Variants in TSHZ2 observed in about 807,000 individuals in gnomAD.
The protein encoded by TSHZ2 is teashirt zinc finger homeobox 2.
Under a neutral mutation model 74.4 loss-of-function variants are expected in TSHZ2, and 21 were observed. That is an observed-to-expected ratio of 0.28 (90% CI 0.20 to 0.41). The LOEUF (loss-of-function observed/expected upper bound fraction) is 0.41. Ranked by LOEUF, TSHZ2 falls within the 10% of genes least tolerant of loss-of-function variation. The probability of loss-of-function intolerance (pLI) is 1.00; values close to 1 mark genes in which losing one functional copy is unlikely to be tolerated. For synonymous variants in TSHZ2, 540 were observed against 515.3 expected (o/e 1.05, Z -0.65); for missense variants, 1,244 against 1,293.5 (o/e 0.96, Z 0.59).
At chr20:53,259,097 C>CATAATATGCAATA (rs1227784407) in intron 2 of TSHZ2, among the ~76,000 whole-genome samples, 2 of 152,272 alleles carry the variant, frequency 1.3e-5, no homozygotes, top group East Asian at 3.9e-4. Context: ...CAATACCTTG[C>CATAATATGCAATA]CCATTGCTTA....
At chr20:53,467,265 C>A (rs1985591171) in intron 2 of TSHZ2, among the ~76,000 whole-genome samples, 1 of 152,174 alleles carries the variant, frequency 6.6e-6, no homozygotes, top group South Asian at 2.1e-4. Flanking sequence ...CAACTGATTT[C>A]TTTTCAACAT....
rs758068227 is a variant in TSHZ2 at position 53,254,142 on chromosome 20, C to G, written c.684C>G (p.Val228=). The G allele has an allele frequency of 3.1e-6, 5 of 1,613,964 alleles. No individual in the cohort carries two copies. The African/African-American group carries it at 4.0e-5, about 13-fold the overall frequency. ...RQCSAAYDTL[V]ELTVHMNETG... The stretch of plus-strand genomic sequence containing the variant: ...GCAGCGCGGCCTATGACACCCTAGT[C>G]GAGCTGACTGTGCACATGAATGAAA... Residue 228 remains valine, a synonymous_variant, in exon 2 of 3, where the codon GTC becomes GTG. Transcript: ENST00000371497.
chr20:53,209,863 C>G (rs1007897099), intron 1 of TSHZ2, among the ~76,000 whole-genome samples: 2 of 152,006 alleles, frequency 1.3e-5, no homozygotes, highest in Non-Finnish European at 2.9e-5. Context: ...ACAGCAGGCT[C>G]TCACCGGGAT....
At chr20:53,223,485 C>G (rs73148654) in intron 1 of TSHZ2, among the ~76,000 whole-genome samples, 1 of 152,210 alleles carries the variant, frequency 6.6e-6, no homozygotes, top group African/African-American at 2.4e-5. Flanking sequence ...TAGAGCTCCT[C>G]GGATCAAGTG....
chr20:53,455,562 CTTTT>C lies in TSHZ2; in HGVS notation c.*9-31578_*9-31575del, dbSNP rs1357969514. ...TTTAGTAGCAGTTGAATATGTTTTT[CTTTT>C]TTTATTATTATTATACTTTAAGTTT... On this transcript the variant is annotated intron_variant, in intron 2 of 2. Transcript: ENST00000371497. 3 of 151,224 alleles carry C rather than the reference CTTTT, an allele frequency of 2.0e-5. No homozygotes were observed. In the East Asian group the frequency reaches 5.9e-4, roughly 30 times the overall value. The allele number at this position is 151,224 out of a possible 1,614,324, so 9.4% of individuals were successfully genotyped here.
intron 1 of TSHZ2, among the ~76,000 whole-genome samples, chr20:53,041,995 G>T (rs1984056322): frequency 6.6e-6 from 1 of 152,022 alleles, no homozygotes; most frequent in Non-Finnish European, 1.5e-5. Context: ...AGCATTCTGA[G>T]ATTTTCCTGG....
intron 1 of TSHZ2, among the ~76,000 whole-genome samples, chr20:53,121,947 A>C (rs6097246): frequency 0.067 from 10,190 of 152,230 alleles, 733 homozygotes; most frequent in East Asian, 0.3. Context: ...TTAGCTGCAA[A>C]TATTCCACTT....
chr20:53,191,289 T>C (rs1432023241), intron 1 of TSHZ2, among the ~76,000 whole-genome samples: 1 of 152,194 alleles, frequency 6.6e-6, no homozygotes, highest in Non-Finnish European at 1.5e-5. Flanking sequence ...TGAGTTTTCA[T>C]GGTCAGCCTC....
rs531763298 is a variant in TSHZ2 at position 53,275,950 on chromosome 20, C to T, written c.*8+19379C>T. ...CTCAAAAACAAACAAACAAACAAAA[C>T]TATTCAGCATGTTAAGTCTACATTG... On this transcript the variant is annotated intron_variant, in intron 2 of 2. Transcript: ENST00000371497. Among the ~76,000 whole-genome samples, 29 of 152,218 alleles carry T rather than the reference C, an allele frequency of 1.9e-4. 1 individual carries two copies. Among genetic ancestry groups the T allele is most frequent in the African/African-American group, 7.0e-4 (29 of 41,554 alleles).
intron 1 of TSHZ2, among the ~76,000 whole-genome samples, chr20:53,100,448 A>G (rs1986185130): frequency 6.6e-6 from 1 of 152,200 alleles, no homozygotes; most frequent in Non-Finnish European, 1.5e-5. Context: ...GCATATTATT[A>G]AACTTTTCAA....
intron 2 of TSHZ2, among the ~76,000 whole-genome samples, chr20:53,471,946 C>T (rs1985819369): frequency 6.6e-6 from 1 of 151,804 alleles, no homozygotes; most frequent in South Asian, 2.1e-4. Flanking sequence ...GCTGAGATTA[C>T]AGGCATGTGC....
Position 53,491,260 on chromosome 20 carries a change from A to G in TSHZ2, c.*4125A>G, listed in dbSNP as rs1600678030. On this transcript the variant is annotated 3_prime_UTR_variant, in exon 3 of 3. Coordinates refer to ENST00000371497, the MANE Select transcript of TSHZ2 (RefSeq NM_173485.6). ...TTCGAACATGCATTAGGCAAAAAAG[A>G]AATCAAAACTGAAATTTTCGTGTAT... 6.6e-6 allele frequency: 1 copy of G among 152,364 alleles called. No individual in the cohort carries two copies. Among genetic ancestry groups the G allele is most frequent in the South Asian group, 2.1e-4 (1 of 4,834 alleles). The allele number at this position is 152,364 out of a possible 1,614,324, so 9.4% of individuals were successfully genotyped here. A position where few individuals can be genotyped will look rare whatever the true frequency, so the allele number is the denominator to read the frequency against.
In TSHZ2 at chr20:53,465,269, TTG is replaced by T. The variant is rs149559919; in HGVS notation, c.*9-21856_*9-21855del. On this transcript the variant is annotated intron_variant, in intron 2 of 2. Coordinates refer to ENST00000371497, the MANE Select transcript of TSHZ2 (RefSeq NM_173485.6). ...TGGTAAAGGGAAATAGTTATTACTTTTGTGTGTGTGTGTGTGTGTGAGACAGA... is the reference window on the plus strand; with the variant it reads ...TGGTAAAGGGAAATAGTTATTACTTTTGTGTGTGTGTGTGTGTGAGACAGA... Among the ~76,000 whole-genome samples the T allele has an allele frequency of 5.4e-4, 81 of 150,670 alleles. 1 individual carries two copies. Among genetic ancestry groups the T allele is most frequent in the African/African-American group, 1.7e-3 (70 of 41,098 alleles).
In TSHZ2 at chr20:53,214,254, G is replaced by A. The variant is rs927621994; in HGVS notation, c.41-39245G>A. Among the ~76,000 whole-genome samples, 4 of 152,150 alleles carry A rather than the reference G, an allele frequency of 2.6e-5. No homozygotes were observed. The East Asian group carries it at 5.8e-4, about 22-fold the overall frequency. ...CCTGATCTCTTAGAGTTTATGTTAC[G>A]GGGGTGGCAGGGGGAGAGGGAGCGG... On this transcript the variant is annotated intron_variant, in intron 1 of 2. Transcript: ENST00000371497.
At chr20:53,346,234 T>C (rs1239240427) in intron 2 of TSHZ2, among the ~76,000 whole-genome samples, 7 of 152,224 alleles carry the variant, frequency 4.6e-5, no homozygotes, top group African/African-American at 1.7e-4. Context: ...TTTCCATGTC[T>C]AATTTGATGC....
chr20:53,072,995 ATCCCTCCC>A (rs1159772828), intron 1 of TSHZ2, among the ~76,000 whole-genome samples: 1 of 145,890 alleles, frequency 6.9e-6, no homozygotes, highest in African/African-American at 2.6e-5. Flanking sequence ...CCCTTCATCC[ATCCCTCCC>A]TCCATCCATC....
intron 2 of TSHZ2, among the ~76,000 whole-genome samples, chr20:53,307,047 G>A (rs1320296353): frequency 6.6e-6 from 1 of 152,192 alleles, no homozygotes; most frequent in Non-Finnish European, 1.5e-5. Context: ...CCAGGACACA[G>A]GACTTTAAGT....
At chr20:53,329,766 C>T (rs1227195721) in intron 2 of TSHZ2, among the ~76,000 whole-genome samples, 2 of 151,982 alleles carry the variant, frequency 1.3e-5, no homozygotes, top group East Asian at 3.9e-4. Flanking sequence ...ACAGCAAGCA[C>T]TTTATTTTTT....
chr20:53,061,117 G>C (rs1984807871), intron 1 of TSHZ2, among the ~76,000 whole-genome samples: 1 of 152,184 alleles, frequency 6.6e-6, no homozygotes, highest in Non-Finnish European at 1.5e-5. Flanking sequence ...GAACATTTGT[G>C]AATGAATTAA....
Sources: gnomAD v4.1 joint callset for allele counts (sites outside exome capture counted in the v4.1 genomes callset) on GRCh38, gnomAD v4.1.1 for gene constraint, MANE v1.5 for transcripts, NCBI Gene and HGNC (gene_info 2026-07-23, HGNC 2026-07-21) for gene names.